Variants in CEP192 observed in about 807,000 individuals in gnomAD.
CEP192 encodes the protein centrosomal protein of 192 kDa.
A neutral mutation model predicts 271.8 loss-of-function variants in CEP192; 151 were observed. The ratio of observed to expected loss-of-function variants is 0.56; its 90% confidence interval spans 0.49 to 0.64. The LOEUF (loss-of-function observed/expected upper bound fraction) is 0.64. Ranked by LOEUF, CEP192 falls within the 30% of genes least tolerant of loss-of-function variation. The pLI is 0.00. For synonymous variants in CEP192, 995 were observed against 1,076.5 expected (o/e 0.92, Z 1.48); for missense variants, 2,910 against 3,020.5 (o/e 0.96, Z 0.86).
In CEP192 at chr18:13,017,755, A is replaced by G. The variant is rs992834102; in HGVS notation, c.789+419A>G. ...ACCACAATTCTGTTACCTAACTTTG[A>G]TATAATAATTTAAATTACTGTACAG... is the stretch of plus-strand genomic sequence containing the variant. On this transcript the variant is annotated intron_variant, in intron 7 of 44. Coordinates refer to ENST00000506447, the MANE Select transcript of CEP192 (RefSeq NM_032142.4). Among the ~76,000 whole-genome samples, 3 of 152,196 alleles carry G rather than the reference A, an allele frequency of 2.0e-5. No homozygotes were observed. In the East Asian group the frequency reaches 5.8e-4, roughly 29 times the overall value.
intron 21 of CEP192, among the ~76,000 whole-genome samples, chr18:13,063,386 C>T (rs2037512565): frequency 6.6e-6 from 1 of 152,036 alleles, no homozygotes; most frequent in African/African-American, 2.4e-5. Flanking sequence ...TTGTTATTGC[C>T]CGTCTTTTGG....
At chr18:13,042,710 G>C (rs1229894756) in intron 15 of CEP192, among the ~76,000 whole-genome samples, 2 of 152,180 alleles carry the variant, frequency 1.3e-5, no homozygotes, top group Non-Finnish European at 2.9e-5. Flanking sequence ...AAGAAACCAT[G>C]TGGCATGTAT....
At chr18:13,033,060 T>C (rs979563168) in intron 11 of CEP192, among the ~76,000 whole-genome samples, 1 of 152,248 alleles carries the variant, frequency 6.6e-6, no homozygotes, top group Non-Finnish European at 1.5e-5. Context: ...GGCAGTATTA[T>C]GCTTCTTAAT....
At position 13,056,365 on chromosome 18, in the gene CEP192, G is replaced by C. The variant is rs756802687; in HGVS notation, c.3775G>C (p.Ala1259Pro). Reference sequence around the variant, plus strand: ...CTTGACACAACCCTCTCTCAGCGCTGCTCCTTTTGCTCAGCGGTATTTGGG... The same window carrying C: ...CTTGACACAACCCTCTCTCAGCGCTCCTCCTTTTGCTCAGCGGTATTTGGG... ...ALLTQPSLSA[A>P]PFAQRYLGTL... The change falls in exon 19 of 45, where the codon GCT becomes CCT. Residue 1259 changes from alanine to proline, a missense_variant. Coordinates refer to ENST00000506447, the MANE Select transcript of CEP192 (RefSeq NM_032142.4). 24 of 1,614,110 alleles carry C rather than the reference G, an allele frequency of 1.5e-5. No individual in the cohort carries two copies. In the South Asian group the frequency reaches 2.3e-4, roughly 16 times the overall value.
At chr18:13,047,890 AATT>A (rs1181545062) in intron 15 of CEP192, among the ~76,000 whole-genome samples, 1 of 152,158 alleles carries the variant, frequency 6.6e-6, no homozygotes, top group Non-Finnish European at 1.5e-5. Flanking sequence ...TTTGGTTTTA[AATT>A]ATTATCTGAT....
chr18:13,030,169 A>G (rs577445875), intron 10 of CEP192, among the ~76,000 whole-genome samples, 167 bp downstream of exon 10: 6 of 152,384 alleles, frequency 3.9e-5, no homozygotes, highest in African/African-American at 9.6e-5. Context: ...TTGCTCAGAA[A>G]TGGTATCTTT....
chr18:13,117,498 C>G, intron 43 of CEP192, 87 bp from the exon 44 acceptor site: 1 of 920,676 alleles, frequency 1.1e-6, no homozygotes, highest in Non-Finnish European at 1.7e-6. Context: ...CAAAATGTAT[C>G]TGTAATAAAT....
At chr18:13,088,334 T>C (rs999218369) in intron 32 of CEP192, among the ~76,000 whole-genome samples, 1 of 151,992 alleles carries the variant, frequency 6.6e-6, no homozygotes, top group Non-Finnish European at 1.5e-5. Context: ...CCTGTAGTCC[T>C]CACTACTTTG....
chr18:13,000,600 G>A (rs1424228929), intron 2 of CEP192: 1 of 152,192 alleles, frequency 6.6e-6, no homozygotes, highest in Non-Finnish European at 1.5e-5. Context: ...GGTTTCTGAG[G>A]TAACTTGGCT....
rs779928095 is a variant in CEP192 at position 13,087,695 on chromosome 18, TGAA to T, written c.5993+51_5993+53del. 36 of 897,068 alleles carry T rather than the reference TGAA, an allele frequency of 4.0e-5. No homozygotes were observed. In the Admixed American group the frequency reaches 4.3e-4, roughly 11 times the overall value. The allele number at this position is 897,068 out of a possible 1,614,324, so 55.6% of individuals were successfully genotyped here. On this transcript the variant is annotated intron_variant, in intron 32 of 44. Transcript: ENST00000506447. ...GTTGGGAACCATTCAGCAGAAATAA[TGAA>T]GGCTTCTGTGGCTTGGGATTTGGAA...
chr18:13,006,964 G>T (rs1428137850), intron 3 of CEP192, among the ~76,000 whole-genome samples: 1 of 152,114 alleles, frequency 6.6e-6, no homozygotes, highest in East Asian at 1.9e-4. Flanking sequence ...AGAAGGGTGG[G>T]TGCTCCTGCC....
chr18:13,001,684 A>C, intron 3 of CEP192, 102 bp downstream of exon 3: 2 of 1,175,042 alleles, frequency 1.7e-6, no homozygotes, highest in Non-Finnish European at 1.1e-6. Context: ...ATTCTGATTA[A>C]TTCTAAGAAT....
At chr18:13,043,823 A>G (rs959731602) in intron 15 of CEP192, among the ~76,000 whole-genome samples, 2 of 152,246 alleles carry the variant, frequency 1.3e-5, no homozygotes, top group African/African-American at 4.8e-5. Flanking sequence ...TTTTCACATC[A>G]TCTTGTTAGA....
At chr18:13,109,437 C>G (rs768688149) in intron 40 of CEP192, among the ~76,000 whole-genome samples, 1 of 152,106 alleles carries the variant, frequency 6.6e-6, no homozygotes, top group Non-Finnish European at 1.5e-5. Flanking sequence ...GTACTATGCT[C>G]AGTACCTGGG....
intron 21 of CEP192, among the ~76,000 whole-genome samples, chr18:13,060,234 A>G (rs2037335481): frequency 1.3e-5 from 2 of 152,210 alleles, no homozygotes; most frequent in Admixed American, 1.3e-4. Flanking sequence ...CATTGTTCCC[A>G]TACAGCTTGT....
At chr18:13,013,386 G>A (rs1318953773) in intron 5 of CEP192, among the ~76,000 whole-genome samples, 1 of 152,104 alleles carries the variant, frequency 6.6e-6, no homozygotes, top group Non-Finnish European at 1.5e-5. Flanking sequence ...GTCTGGAATG[G>A]TTCTCGGCCC....
intron 15 of CEP192, among the ~76,000 whole-genome samples, chr18:13,047,524 G>A (rs1568330725): frequency 6.6e-6 from 1 of 152,174 alleles, no homozygotes. Flanking sequence ...ACCTCTCTGG[G>A]TTACTTTCTT....
intron 9 of CEP192, 138 bp from the exon 10 acceptor site, chr18:13,029,525 G>A (rs146696795): frequency 1.3e-4 from 77 of 612,478 alleles, no homozygotes; most frequent in Admixed American, 5.0e-4. Flanking sequence ...AGAATACAGC[G>A]AATACTGTGT....
Position 13,056,566 on chromosome 18 carries a change from T to G in CEP192, c.3976T>G (p.Ser1326Ala). 6.2e-7 allele frequency: 1 copy of G among 1,614,200 alleles called. No homozygotes were observed. Among genetic ancestry groups the G allele is most frequent in the South Asian group, 1.1e-5 (1 of 91,082 alleles). ...TATCGGCTCTGGATGGATGGGTACC[T>G]CTTCCCTCTGTAACCCATATTCTAA... is the stretch of plus-strand genomic sequence containing the variant. ...SNIGSGWMGT[S>A]SLCNPYSNTL... The change falls in exon 19 of 45, where the codon TCT becomes GCT. Residue 1326 changes from serine to alanine, a missense_variant. Ser to Ala is a moderately conservative substitution (Grantham distance 99, BLOSUM62 1). Transcript: ENST00000506447.
Sources: gnomAD v4.1 joint callset for allele counts (sites outside exome capture counted in the v4.1 genomes callset) on GRCh38, gnomAD v4.1.1 for gene constraint, MANE v1.5 for transcripts, NCBI Gene and HGNC (gene_info 2026-07-23, HGNC 2026-07-21) for gene names.